TAF12: variants seen among roughly 807,000 people sequenced by gnomAD.
TAF12 encodes TATA-box binding protein associated factor 12.
TAF12 carries 3 observed loss-of-function variants against 20.8 expected under a neutral mutation model. The observed-to-expected ratio is 0.14, with a 90% CI of 0.07 to 0.37. TAF12 has a LOEUF of 0.37. TAF12 is among the 10% of genes least tolerant of loss of function. The pLI is 1.00. For missense variants in TAF12, 131 were observed against 197.9 expected (o/e 0.66, Z 2.03); for synonymous variants, 69 against 70.2 (o/e 0.98, Z 0.09).
At chr1:28,620,154 G>C (rs1256188160) in intron 2 of TAF12, among the ~76,000 whole-genome samples, 6 of 148,818 alleles carry the variant, frequency 4.0e-5, no homozygotes, top group African/African-American at 1.5e-4. Flanking sequence ...TTTTTTTTGA[G>C]ACGGAATCTC....
chr1:28,606,795 G>A (rs1404484801), intron 4 of TAF12, among the ~76,000 whole-genome samples: 1 of 152,184 alleles, frequency 6.6e-6, no homozygotes, highest in African/African-American at 2.4e-5. Context: ...CAAAGCTGAG[G>A]TCTGCTGCTT....
intron 1 of TAF12, among the ~76,000 whole-genome samples, chr1:28,631,706 T>C (rs1305244047): frequency 6.6e-6 from 1 of 152,120 alleles, no homozygotes; most frequent in East Asian, 1.9e-4. Flanking sequence ...GAGCAGACCC[T>C]TCATCAAAGA....
chr1:28,625,531 C>A (rs1667351770), intron 1 of TAF12, among the ~76,000 whole-genome samples: 2 of 151,456 alleles, frequency 1.3e-5, no homozygotes, highest in Non-Finnish European at 1.5e-5. Flanking sequence ...CCACTGCACC[C>A]AGCTAATTTT....
upstream of TAF12, chr1:28,643,158 T>A (rs1668098352): frequency 1.0e-6 from 1 of 970,722 alleles, no homozygotes; most frequent in Non-Finnish European, 1.2e-6. Context: ...GCGCCTCGCT[T>A]GCGCAGGCGC....
chr1:28,635,387 G>C (rs1279749292), intron 1 of TAF12, among the ~76,000 whole-genome samples: 1 of 135,366 alleles, frequency 7.4e-6, no homozygotes, highest in African/African-American at 2.8e-5. Context: ...CTCACTGCCA[G>C]CTCCACCTCC....
chr1:28,608,270 G>A (rs1156553771), intron 4 of TAF12, among the ~76,000 whole-genome samples: 11 of 151,220 alleles, frequency 7.3e-5, no homozygotes, highest in African/African-American at 2.7e-4. Flanking sequence ...GTGTGAACCT[G>A]GGAGGCAGAG....
At chr1:28,613,544 G>A (rs893122561) in intron 3 of TAF12, among the ~76,000 whole-genome samples, 183 bp from the exon 4 acceptor site, 30 of 152,178 alleles carry the variant, frequency 2.0e-4, no homozygotes, top group African/African-American at 7.0e-4. Flanking sequence ...TACCCAGGTT[G>A]AGTGCAACTC....
At chr1:28,640,165 C>T (rs1389549997) in intron 1 of TAF12, among the ~76,000 whole-genome samples, 1 of 152,122 alleles carries the variant, frequency 6.6e-6, no homozygotes, top group Non-Finnish European at 1.5e-5. Flanking sequence ...TCTTGGCCTC[C>T]TAAATCTAAA....
intron 3 of TAF12, among the ~76,000 whole-genome samples, chr1:28,617,109 A>G (rs538081937): frequency 5.3e-5 from 8 of 152,314 alleles, no homozygotes; most frequent in African/African-American, 9.6e-5. Context: ...ATCAACAGCG[A>G]AACTCCGTCT....
intron 3 of TAF12, among the ~76,000 whole-genome samples, chr1:28,616,453 G>A (rs1472439556): frequency 6.7e-6 from 1 of 149,590 alleles, no homozygotes; most frequent in Admixed American, 6.7e-5. Flanking sequence ...ATATGGACCA[G>A]CAGGCGTGAT....
intron 1 of TAF12, among the ~76,000 whole-genome samples, 197 bp from the exon 2 acceptor site, chr1:28,622,362 A>G (rs1667248098): frequency 6.8e-6 from 1 of 146,378 alleles, no homozygotes; most frequent in Admixed American, 6.8e-5. Flanking sequence ...TCTACCAAGA[A>G]AAAAAAAAAA....
intron 4 of TAF12, 31 bp from the exon 5 acceptor site, chr1:28,605,491 C>T (rs745729539): frequency 9.9e-6 from 16 of 1,610,268 alleles, no homozygotes; most frequent in Middle Eastern, 1.7e-4. Context: ...CAGAGATAAA[C>T]GTACCAAGAA....
rs967089784 is a variant in TAF12, at chr1:28,611,979, A to G, written c.361+1268T>C. Among the ~76,000 whole-genome samples the G allele has an allele frequency of 1.2e-4, 18 of 152,270 alleles. No homozygotes were observed. In the East Asian group the frequency reaches 3.3e-3, roughly 28 times the overall value. ...GTCTGCTACACATTAATGGATAACC[A>G]AAATATCTGTTCTTTTCTCTAGATA... On this transcript the variant is annotated intron_variant, in intron 4 of 5. Transcript: ENST00000373824.
chr1:28,629,266 T>C (rs890871629), intron 1 of TAF12, among the ~76,000 whole-genome samples: 1 of 152,136 alleles, frequency 6.6e-6, no homozygotes, highest in South Asian at 2.1e-4. Context: ...ATGTTACCTA[T>C]GGAAAAAATT....
At chr1:28,637,404 C>T (rs1036061235) in intron 1 of TAF12, among the ~76,000 whole-genome samples, 6 of 152,058 alleles carry the variant, frequency 3.9e-5, no homozygotes, top group African/African-American at 9.7e-5. Context: ...CAGTGGCTCA[C>T]GCCTGTAATC....
chr1:28,629,322 T>C (rs1401923487), intron 1 of TAF12, among the ~76,000 whole-genome samples: 1 of 152,108 alleles, frequency 6.6e-6, no homozygotes, highest in Non-Finnish European at 1.5e-5. Flanking sequence ...AAATAGATCA[T>C]ACTCACCCTT....
At chr1:28,632,525 A>C (rs969842407) in intron 1 of TAF12, among the ~76,000 whole-genome samples, 3 of 152,168 alleles carry the variant, frequency 2.0e-5, no homozygotes, top group Admixed American at 2.0e-4. Context: ...CAACAATAAC[A>C]ACAACAAAAA....
intron 1 of TAF12, chr1:28,623,875 C>A (rs1199648806): frequency 1.3e-6 from 1 of 788,416 alleles, no homozygotes; most frequent in Non-Finnish European, 1.5e-6. Context: ...CTGTGGACGT[C>A]AGCTTGGGTG....
At chr1:28,644,202 G>A (rs1486285306), upstream of TAF12, among the ~76,000 whole-genome samples, 2 of 152,182 alleles carry the variant, frequency 1.3e-5, no homozygotes, top group East Asian at 3.8e-4. Context: ...AGCTGTGACA[G>A]GCCAGAGTGA....
Sources: gnomAD v4.1 joint callset for allele counts (sites outside exome capture counted in the v4.1 genomes callset) on GRCh38, gnomAD v4.1.1 for gene constraint, MANE v1.5 for transcripts, NCBI Gene and HGNC (gene_info 2026-07-23, HGNC 2026-07-21) for gene names.